The following GLI3 variants were observed in gnomAD, a reference collection of about 807,000 sequenced individuals.
GLI3 encodes transcription activator GLI3.
In GLI3, 20 loss-of-function variants were observed where a neutral mutation model predicts 100.8. The observed-to-expected ratio is 0.20, with a 90% CI of 0.14 to 0.29. The LOEUF is 0.29. GLI3 is among the 10% of genes least tolerant of loss of function. The pLI is 1.00. For synonymous variants in GLI3, 938 were observed against 860.5 expected, an observed-to-expected ratio of 1.09 and a Z score of -1.58; for missense variants, 2,040 against 2,128.5, an observed-to-expected ratio of 0.96 and a Z score of 0.82.
intron 7 of GLI3, among the ~76,000 whole-genome samples, chr7:42,033,762 T>C (rs1400105672): frequency 2.0e-5 from 3 of 152,188 alleles, no homozygotes; most frequent in Admixed American, 1.3e-4. Context: ...ACAGCTATCA[T>C]TACTTGTATA....
intron 10 of GLI3, among the ~76,000 whole-genome samples, chr7:42,020,205 C>A (rs1304958155): frequency 6.6e-6 from 1 of 152,184 alleles, no homozygotes; most frequent in Non-Finnish European, 1.5e-5. Context: ...ATCAGACTAC[C>A]TGGCGGGCAA....
In GLI3 at chr7:41,966,724, T is replaced by A; in HGVS notation, c.2432-83A>T. The stretch of plus-strand genomic sequence containing the variant: ...ACACCAGGCATGAGCAACCCTTTTC[T>A]GTAAAGGGCCAGCTAGGAACTATTT... On this transcript the variant is annotated intron_variant, in intron 14 of 14. Coordinates refer to ENST00000395925, the MANE Select transcript of GLI3 (RefSeq NM_000168.6). The surrounding 1 kb of genome is among the most constrained non-coding windows in gnomAD (Gnocchi z 5.8). The A allele has an allele frequency of 2.2e-6, 3 of 1,371,778 alleles. No homozygotes were observed. Among genetic ancestry groups the A allele is most frequent in the Non-Finnish European group, 3.1e-6 (3 of 967,588 alleles). The allele number at this position is 1,371,778 out of a possible 1,614,324, so 85.0% of individuals were successfully genotyped here. A position where few individuals can be genotyped will look rare whatever the true frequency, so the allele number is the denominator to read the frequency against.
At chr7:42,017,382 A>G (rs1243538208) in intron 10 of GLI3, among the ~76,000 whole-genome samples, 6 of 152,354 alleles carry the variant, frequency 3.9e-5, no homozygotes, top group East Asian at 3.9e-4. Flanking sequence ...TATTTCAGGG[A>G]GTATACAACG....
intron 7 of GLI3, among the ~76,000 whole-genome samples, chr7:42,028,779 T>C (rs1789197216): frequency 6.7e-6 from 1 of 148,692 alleles, no homozygotes; most frequent in African/African-American, 2.5e-5. Flanking sequence ...TAAATAATAA[T>C]AATAATAATA....
At chr7:42,204,048 C>T (rs560650889) in intron 2 of GLI3, among the ~76,000 whole-genome samples, 17 of 152,208 alleles carry the variant, frequency 1.1e-4, no homozygotes, top group African/African-American at 4.1e-4. Context: ...ATTCTCCCCA[C>T]TCCAAACCAT....
chr7:42,013,537 A>C (rs1788677094), intron 10 of GLI3, among the ~76,000 whole-genome samples: 1 of 151,970 alleles, frequency 6.6e-6, no homozygotes, highest in Non-Finnish European at 1.5e-5. Context: ...CTAAATTAGT[A>C]TTATTATTGT....
chr7:42,021,158 A>C (rs945735959), intron 10 of GLI3, among the ~76,000 whole-genome samples: 1 of 152,238 alleles, frequency 6.6e-6, no homozygotes, highest in Non-Finnish European at 1.5e-5. Context: ...GGTGGAAAAT[A>C]AGTGACATAA....
At chr7:42,253,172 A>G (rs557597287) in intron 1 of GLI3, among the ~76,000 whole-genome samples, 3 of 152,328 alleles carry the variant, frequency 2.0e-5, no homozygotes, top group South Asian at 2.1e-4. Flanking sequence ...GTATTCAATT[A>G]TGTGAAGAAA....
At chr7:42,164,575 A>T (rs1464370837) in intron 2 of GLI3, among the ~76,000 whole-genome samples, 3 of 152,174 alleles carry the variant, frequency 2.0e-5, no homozygotes, top group African/African-American at 4.8e-5. Context: ...TCACGCCTGT[A>T]ATCCCAGCAC....
intron 3 of GLI3, among the ~76,000 whole-genome samples, chr7:42,090,016 C>T (rs139189270): frequency 0.012 from 1,759 of 152,292 alleles, 16 homozygotes; most frequent in Non-Finnish European, 0.019. Context: ...TAGGCTATAA[C>T]GGTACGGTAG....
intron 4 of GLI3, among the ~76,000 whole-genome samples, chr7:42,064,704 A>C (rs1381640411): frequency 6.6e-6 from 1 of 152,176 alleles, no homozygotes; most frequent in African/African-American, 2.4e-5. Context: ...TTACGCAGGA[A>C]GTATTATGGA....
At chr7:42,155,060 C>T (rs897400552) in intron 2 of GLI3, among the ~76,000 whole-genome samples, 1 of 152,198 alleles carries the variant, frequency 6.6e-6, no homozygotes, top group Non-Finnish European at 1.5e-5. Context: ...CAAGTGACAA[C>T]TCTCCCTCAA....
intron 10 of GLI3, among the ~76,000 whole-genome samples, chr7:42,012,839 GA>G (rs1788656860): frequency 6.6e-6 from 1 of 152,204 alleles, no homozygotes; most frequent in African/African-American, 2.4e-5. Flanking sequence ...TCTTGTGGTA[GA>G]AACTGCACCA....
chr7:42,202,346 TCACACA>T (rs59941465), intron 2 of GLI3, among the ~76,000 whole-genome samples: 16,439 of 114,868 alleles, frequency 0.14, 1,126 homozygotes, highest in East Asian at 0.22. Flanking sequence ...TCTCTCTCTC[TCACACA>T]CACACACACA....
rs749077328 is a variant in GLI3 at position 41,965,879 on chromosome 7, C to T, written c.3194G>A (p.Cys1065Tyr). Reference protein sequence around the residue: ...GQSRNFHSSPCPPSITENVTL... With the variant: ...GQSRNFHSSPYPPSITENVTL... ...GACGTTCTCGGTGATGCTGGGAGGA[C>T]AGGGGGACGAGTGGAAGTTTCGGGA... Residue 1065 changes from cysteine (C) to tyrosine (Y), a missense_variant, in exon 15 of 15, where the codon TGT (cysteine) becomes TAT (tyrosine). Transcript: ENST00000395925. 7.4e-6 allele frequency: 12 copies of T among 1,613,618 alleles called. No individual in the cohort carries two copies. The highest frequency in any genetic ancestry group is 1.0e-5 in the Non-Finnish European group (12 of 1,179,942).
chr7:42,192,821 C>T (rs1374639498), intron 2 of GLI3, among the ~76,000 whole-genome samples: 5 of 152,194 alleles, frequency 3.3e-5, no homozygotes, highest in South Asian at 4.1e-4. Context: ...ACCTTGAATT[C>T]GTGCCTTTGG....
At position 41,965,176 on chromosome 7, in the gene GLI3, T is replaced by C; in HGVS notation, c.3897A>G (p.Val1299=). 3.1e-6 allele frequency: 5 copies of C among 1,613,912 alleles called. No homozygotes were observed. Among genetic ancestry groups the C allele is most frequent in the Non-Finnish European group, 4.2e-6 (5 of 1,180,030 alleles). ...SGGQLNFGLP[V]APNESAGSMV... ...TGCTGCCAGCTGACTCATTTGGCGC[T>C]ACCGGCAGGCCGAAATTCAGCTGGC... The change falls in exon 15 of 15, where the codon GTA becomes GTG. Residue 1299 remains valine, a synonymous_variant. Coordinates refer to ENST00000395925, the MANE Select transcript of GLI3 (RefSeq NM_000168.6).
At chr7:42,246,868 A>G (rs1478520254) in intron 1 of GLI3, among the ~76,000 whole-genome samples, 1 of 130,166 alleles carries the variant, frequency 7.7e-6, no homozygotes, top group Non-Finnish European at 1.6e-5. Context: ...GGACTCTCTG[A>G]AAAAAGTCTG....
intron 7 of GLI3, among the ~76,000 whole-genome samples, chr7:42,036,474 A>G (rs1320336846): frequency 1.3e-5 from 2 of 152,188 alleles, no homozygotes. Context: ...CTTGTGTTCT[A>G]TTGGAGAGAA....
Sources: allele counts gnomAD v4.1 joint callset (sites outside exome capture counted in the v4.1 genomes callset), GRCh38; gene constraint gnomAD v4.1.1; non-coding constraint Gnocchi (gnomAD v3.1); transcripts MANE v1.5; gene names NCBI Gene and HGNC (gene_info 2026-07-23, HGNC 2026-07-21).